Variants in B4GALT5 observed in about 807,000 individuals in gnomAD.
B4GALT5 encodes UDP-Gal:beta-GlcNAc beta-1,4-galactosyltransferase 5.
In B4GALT5, 11 loss-of-function variants were observed where a neutral mutation model predicts 45.0. The ratio of observed to expected loss-of-function variants is 0.24; its 90% CI spans 0.15 to 0.40. The LOEUF (loss-of-function observed/expected upper bound fraction) is 0.40, where lower values mean the gene tolerates loss of function less well. Among genes scored for constraint, B4GALT5 ranks in the 10% least tolerant of loss-of-function variants. B4GALT5 has a pLI of 1.00. For synonymous variants in B4GALT5, 185 were observed against 182.9 expected (o/e 1.01, Z -0.09); for missense variants, 337 against 500.2 (o/e 0.67, Z 3.11).
chr20:49,706,340 A>G (rs1485158471), intron 1 of B4GALT5, among the ~76,000 whole-genome samples: 1 of 152,066 alleles, frequency 6.6e-6, no homozygotes, highest in African/African-American at 2.4e-5. Flanking sequence ...GAATCTGCCC[A>G]CTCCAAGCTG....
At chr20:49,670,185 G>A (rs2085709893) in intron 1 of B4GALT5, among the ~76,000 whole-genome samples, 1 of 152,170 alleles carries the variant, frequency 6.6e-6, no homozygotes, top group South Asian at 2.1e-4. Context: ...ATCTTTAAAA[G>A]TGAAAACTAT....
chr20:49,713,518 TC>T, intron 1 of B4GALT5, 57 bp downstream of exon 1: 2 of 1,510,810 alleles, frequency 1.3e-6, no homozygotes, highest in African/African-American at 1.4e-5. Context: ...GGGCGGGGAT[TC>T]CCCGGGTCCC....
intron 1 of B4GALT5, among the ~76,000 whole-genome samples, chr20:49,683,628 G>A (rs114886357): frequency 0.02 from 2,974 of 151,574 alleles, 104 homozygotes; most frequent in African/African-American, 0.069. Context: ...CCTGACCTCA[G>A]ATGATCTGCC....
At position 49,643,619 on chromosome 20, in the gene B4GALT5, A is replaced by G; in HGVS notation, c.396T>C (p.Ile132=). 3.1e-6 allele frequency: 5 copies of G among 1,614,004 alleles called. No homozygotes were observed. The highest frequency in any genetic ancestry group is 4.2e-6 in the Non-Finnish European group (5 of 1,179,930). ...KGPIDINMSE[I]GMDYIHELFS... is the part of the protein sequence containing the mutation. ...AGAGTTCATGAATGTAATCCATTCC[A>G]ATTTCACTCATGTTTATGTCTATTG... Residue 132 remains isoleucine, a synonymous_variant, in exon 4 of 9, where the codon ATT becomes ATC. Transcript: ENST00000371711.
chr20:49,645,798 AGATAAT>A (rs1407011100), intron 3 of B4GALT5, among the ~76,000 whole-genome samples: 21 of 152,114 alleles, frequency 1.4e-4, no homozygotes, highest in African/African-American at 5.1e-4. Flanking sequence ...ACATTATACT[AGATAAT>A]GATAATAAAC....
At chr20:49,665,674 C>A (rs1209238508) in intron 1 of B4GALT5, among the ~76,000 whole-genome samples, 1 of 149,196 alleles carries the variant, frequency 6.7e-6, no homozygotes, top group Non-Finnish European at 1.5e-5. Context: ...AGACACAGTC[C>A]CTGCCATCAC....
intron 1 of B4GALT5, among the ~76,000 whole-genome samples, chr20:49,668,590 A>C (rs1161128198): frequency 2.1e-5 from 1 of 46,918 alleles, no homozygotes; most frequent in Non-Finnish European, 3.9e-5. Flanking sequence ...CCTGCGGAGA[A>C]TGGGTGGGGG....
chr20:49,663,696 TAC>T (rs200469228), intron 1 of B4GALT5, among the ~76,000 whole-genome samples: 3,745 of 66,290 alleles, frequency 0.056, 265 homozygotes, highest in African/African-American at 0.077. Flanking sequence ...AAAAAATATA[TAC>T]ATATATATAT....
intron 2 of B4GALT5, among the ~76,000 whole-genome samples, chr20:49,655,379 C>T (rs1042670195): frequency 1.3e-5 from 2 of 151,420 alleles, no homozygotes; most frequent in Admixed American, 1.3e-4. Context: ...TACAGTGAGC[C>T]GAGATTAACA....
At chr20:49,666,619 C>T (rs890183723) in intron 1 of B4GALT5, among the ~76,000 whole-genome samples, 2 of 152,130 alleles carry the variant, frequency 1.3e-5, no homozygotes, top group Admixed American at 6.5e-5. Flanking sequence ...ACAGGAGGCT[C>T]CCTCTCACGC....
At chr20:49,701,581 G>C (rs1024348910) in intron 1 of B4GALT5, among the ~76,000 whole-genome samples, 2 of 152,120 alleles carry the variant, frequency 1.3e-5, no homozygotes, top group Admixed American at 6.5e-5. Context: ...CCTGTGTTGT[G>C]GACGAGGAAG....
intron 1 of B4GALT5, among the ~76,000 whole-genome samples, chr20:49,710,672 C>T (rs2085905311): frequency 6.6e-6 from 1 of 152,048 alleles, no homozygotes; most frequent in Non-Finnish European, 1.5e-5. Context: ...CCCACCTTAG[C>T]CTCCCAAAGT....
At chr20:49,707,689 A>T (rs1300497944) in intron 1 of B4GALT5, among the ~76,000 whole-genome samples, 2 of 152,118 alleles carry the variant, frequency 1.3e-5, no homozygotes, top group African/African-American at 4.8e-5. Flanking sequence ...ATCATGGCTC[A>T]TTGCAGCCTC....
Position 49,688,592 on chromosome 20 carries a change from T to G in B4GALT5, c.115+24984A>C, listed in dbSNP as rs187326600. ...CTAGGGTCGCTACAATTTTTTTATA[T>G]ACAATGCCCACTTTTCAATAAAAAT... On this transcript the variant is annotated intron_variant, in intron 1 of 8. Coordinates refer to ENST00000371711, the MANE Select transcript of B4GALT5 (RefSeq NM_004776.4). Among the ~76,000 whole-genome samples, 18 of 152,296 alleles carry G rather than the reference T, an allele frequency of 1.2e-4. No individual in the cohort carries two copies. In the East Asian group the frequency reaches 3.1e-3, roughly 26 times the overall value.
intron 1 of B4GALT5, among the ~76,000 whole-genome samples, chr20:49,700,834 T>C (rs1206054213): frequency 6.6e-6 from 1 of 152,194 alleles, no homozygotes; most frequent in African/African-American, 2.4e-5. Flanking sequence ...AATTTAAAAT[T>C]TGTGAAATGT....
intron 8 of B4GALT5, 129 bp downstream of exon 8, chr20:49,637,212 G>A: frequency 1.3e-6 from 1 of 763,638 alleles, no homozygotes; most frequent in Non-Finnish European, 2.3e-6. Flanking sequence ...ACATGCAACA[G>A]CTGTCAAACA....
chr20:49,641,971 C>A (rs1317252671), intron 5 of B4GALT5, among the ~76,000 whole-genome samples: 1 of 152,038 alleles, frequency 6.6e-6, no homozygotes. Flanking sequence ...ATTTGCCATG[C>A]GGTCTTCTTC....
chr20:49,674,890 TG>T (rs965923933), intron 1 of B4GALT5, among the ~76,000 whole-genome samples: 4 of 152,176 alleles, frequency 2.6e-5, no homozygotes, highest in Non-Finnish European at 5.9e-5. Context: ...CTCCTGCCTC[TG>T]GAATTTCAGT....
At position 49,636,209 on chromosome 20, in the gene B4GALT5, A is replaced by C; in HGVS notation, c.*103T>G. On this transcript the variant is annotated 3_prime_UTR_variant, in exon 9 of 9. Transcript: ENST00000371711. ...TCTGTGATCCTTCATGAGACACAGT[A>C]TTTCTGTTCTCTTGCTGTGTAGACC... The C allele has an allele frequency of 3.6e-6, 5 of 1,404,798 alleles. No individual in the cohort carries two copies. The highest frequency in any genetic ancestry group is 4.9e-6 in the Non-Finnish European group (5 of 1,021,596). 87.0% of individuals were successfully genotyped at this position (1,404,798 alleles called of 1,614,324 possible). A position where few individuals can be genotyped will look rare whatever the true frequency, so the allele number is the denominator to read the frequency against.
Sources: gnomAD v4.1 joint callset for allele counts (sites outside exome capture counted in the v4.1 genomes callset) on GRCh38, gnomAD v4.1.1 for gene constraint, MANE v1.5 for transcripts, NCBI Gene and HGNC (gene_info 2026-07-23, HGNC 2026-07-21) for gene names.